The following COBL variants were observed in gnomAD, a reference collection of about 807,000 sequenced individuals.
COBL encodes the protein cordon-bleu WH2 repeat protein.
COBL carries 51 observed loss-of-function variants against 98.8 expected under a neutral mutation model. The observed-to-expected ratio is 0.52, with a 90% CI of 0.41 to 0.65. COBL has a LOEUF of 0.65. Ranked by LOEUF, COBL falls within the 30% of genes least tolerant of loss-of-function variation. The probability of loss-of-function intolerance (pLI) is 0.00; values close to 1 mark genes in which losing one functional copy is unlikely to be tolerated. For missense variants in COBL, 1,617 were observed against 1,617.5 expected, an observed-to-expected ratio of 1.00 and a Z score of 0.01; for synonymous variants, 634 against 651.7, an observed-to-expected ratio of 0.97 and a Z score of 0.41.
intron 7 of COBL, among the ~76,000 whole-genome samples, chr7:51,074,713 C>T (rs1346040562): frequency 6.6e-6 from 1 of 152,172 alleles, no homozygotes; most frequent in Non-Finnish European, 1.5e-5. Flanking sequence ...AATCTGTTCT[C>T]AGGTTTCTTA....
intron 5 of COBL, among the ~76,000 whole-genome samples, chr7:51,183,358 G>T (rs887649063): frequency 4.6e-5 from 7 of 152,076 alleles, no homozygotes; most frequent in African/African-American, 9.7e-5. Context: ...TAAAATACTA[G>T]ATATTAGTAA....
chr7:51,137,814 C>T (rs1799382746), intron 5 of COBL, among the ~76,000 whole-genome samples: 2 of 152,022 alleles, frequency 1.3e-5, no homozygotes, highest in South Asian at 2.1e-4. Context: ...AATGAATAGA[C>T]AGATGACCCT....
At chr7:51,190,153 T>A (rs1221557401) in intron 4 of COBL, among the ~76,000 whole-genome samples, 5 of 152,196 alleles carry the variant, frequency 3.3e-5, no homozygotes, top group Non-Finnish European at 7.4e-5. Context: ...GTTTTAGACA[T>A]GAGCAATGTT....
chr7:51,304,574 A>G lies in COBL; in HGVS notation c.41+12019T>C, dbSNP rs139515734. On this transcript the variant is annotated intron_variant, in intron 1 of 12. Coordinates refer to ENST00000265136, the MANE Select transcript of COBL (RefSeq NM_015198.5). ...CCGCATTTCTACCATAAGAAAACAAATGGTAGCAGTAATATTTCCTACTGG... is the reference window on the plus strand; with the variant it reads ...CCGCATTTCTACCATAAGAAAACAAGTGGTAGCAGTAATATTTCCTACTGG... 4.0e-3 allele frequency among the ~76,000 whole-genome samples: 613 copies of G among 152,348 alleles called. 9 individuals carry two copies. The highest frequency in any genetic ancestry group is 0.012 in the African/African-American group (497 of 41,594).
At chr7:51,309,969 A>G (rs1484739823) in intron 1 of COBL, among the ~76,000 whole-genome samples, 1 of 152,212 alleles carries the variant, frequency 6.6e-6, no homozygotes, top group Non-Finnish European at 1.5e-5. Context: ...CATTCTGAGA[A>G]AGGGGCAAGA....
chr7:51,019,194 A>G (rs1290693018), intron 12 of COBL, among the ~76,000 whole-genome samples: 1 of 151,276 alleles, frequency 6.6e-6, no homozygotes, highest in Non-Finnish European at 1.5e-5. Context: ...TGAAATCCCA[A>G]CCTCCAAGAT....
chr7:51,048,356 A>AT (rs1789918883), intron 7 of COBL, among the ~76,000 whole-genome samples: 1 of 152,100 alleles, frequency 6.6e-6, no homozygotes, highest in Non-Finnish European at 1.5e-5. Flanking sequence ...AAATATTGTA[A>AT]TTTTTTAAAT....
intron 2 of COBL, among the ~76,000 whole-genome samples, chr7:51,202,990 G>A (rs554892636): frequency 1.2e-4 from 19 of 152,040 alleles, no homozygotes; most frequent in Non-Finnish European, 1.0e-4. Flanking sequence ...GCAGTGATCC[G>A]CGATCGCACC....
intron 1 of COBL, among the ~76,000 whole-genome samples, chr7:51,277,599 A>C (rs893560133): frequency 1.2e-4 from 19 of 152,100 alleles, no homozygotes; most frequent in Non-Finnish European, 2.4e-4. Context: ...CATGGTGTGT[A>C]TATTAGACAC....
At chr7:51,159,393 G>A (rs189681351) in intron 5 of COBL, among the ~76,000 whole-genome samples, 99 of 152,322 alleles carry the variant, frequency 6.5e-4, no homozygotes, top group Non-Finnish European at 1.3e-3. Flanking sequence ...GTTCTGGCCC[G>A]AGGCACTGTG....
intron 8 of COBL, among the ~76,000 whole-genome samples, chr7:51,038,044 G>T (rs1190532119): frequency 6.6e-6 from 1 of 152,094 alleles, no homozygotes; most frequent in Admixed American, 6.5e-5. Flanking sequence ...TAGAGATGGG[G>T]TTTCACTGCG....
chr7:51,142,895 G>T (rs1427540904), intron 5 of COBL, among the ~76,000 whole-genome samples: 2 of 152,122 alleles, frequency 1.3e-5, no homozygotes, highest in South Asian at 4.1e-4. Flanking sequence ...GATGACATGC[G>T]ATGTGTGTCC....
intron 5 of COBL, chr7:51,156,114 A>G (rs1253336710): frequency 1.0e-6 from 1 of 972,992 alleles, no homozygotes; most frequent in African/African-American, 1.8e-5. Context: ...ATTGTGCTAA[A>G]AGAAAACAAA....
chr7:51,219,928 G>C lies in COBL; in HGVS notation c.58C>G (p.Arg20Gly). 6.2e-7 allele frequency: 1 copy of C among 1,610,860 alleles called. No individual in the cohort carries two copies. The change falls in exon 2 of 13, where the codon CGT (arginine) becomes GGT (glycine). Residue 20 changes from arginine (R) to glycine (G), a missense_variant. Around this residue, in one of 3 missense-constraint regions of COBL, gnomAD observed 238 missense variants for 215.0 expected, o/e 1.11. Coordinates refer to ENST00000265136, the MANE Select transcript of COBL (RefSeq NM_015198.5). ...GCCTTTCCAGGAGGTGGGGGAGCAC[G>C]AGCCTTCATCTTCCTCCTTAAAAAC... ...KPPTGRKMKARAPPPPGKAAT... is the reference protein window; with the variant it reads ...KPPTGRKMKAGAPPPPGKAAT...
At chr7:51,107,276 G>T (rs568600847) in intron 6 of COBL, among the ~76,000 whole-genome samples, 2 of 151,906 alleles carry the variant, frequency 1.3e-5, no homozygotes, top group African/African-American at 4.8e-5. Flanking sequence ...TGTATTTTTA[G>T]TAGAGACGGG....
At chr7:51,035,988 G>T (rs1319461997) in intron 8 of COBL, 1 of 152,190 alleles carries the variant, frequency 6.6e-6, no homozygotes, top group African/African-American at 2.4e-5. Flanking sequence ...AGGAAAGGGG[G>T]ATTGGTTCCA....
At chr7:51,202,051 C>T (rs1305735500) in intron 2 of COBL, among the ~76,000 whole-genome samples, 1 of 152,120 alleles carries the variant, frequency 6.6e-6, no homozygotes, top group East Asian at 1.9e-4. Context: ...GTTATCAGAT[C>T]GCTTGTCATG....
At chr7:51,316,211 C>T (rs1322995552) in intron 1 of COBL, among the ~76,000 whole-genome samples, 1 of 152,146 alleles carries the variant, frequency 6.6e-6, no homozygotes, top group African/African-American at 2.4e-5. Flanking sequence ...GAGTCAAAGG[C>T]CGGGCGTCCC....
intron 6 of COBL, among the ~76,000 whole-genome samples, chr7:51,119,751 A>G (rs965433533): frequency 2.6e-5 from 4 of 152,262 alleles, no homozygotes; most frequent in African/African-American, 9.6e-5. Flanking sequence ...TCATCAATAT[A>G]GGACTTAAAA....
Sources: allele counts gnomAD v4.1 joint callset (sites outside exome capture counted in the v4.1 genomes callset), GRCh38; gene constraint gnomAD v4.1.1; regional missense constraint gnomAD v4.1.1; transcripts MANE v1.5; gene names NCBI Gene and HGNC (gene_info 2026-07-23, HGNC 2026-07-21).